The following ADAMTS17 variants were observed in gnomAD, a reference collection of about 807,000 sequenced individuals.
ADAMTS17 encodes A disintegrin and metalloproteinase with thrombospondin motifs 17.
ADAMTS17 carries 113 observed loss-of-function variants against 141.5 expected under a neutral mutation model. The observed-to-expected ratio is 0.80, with a 90% CI of 0.69 to 0.93. ADAMTS17 has a LOEUF of 0.93. Ranked by LOEUF, ADAMTS17 falls within the 40% of genes least tolerant of loss-of-function variation. ADAMTS17 has a pLI of 0.00. For missense variants in ADAMTS17, 1,659 were observed against 1,517.9 expected, an observed-to-expected ratio of 1.09 and a Z score of -1.54; for synonymous variants, 768 against 630.6, an observed-to-expected ratio of 1.22 and a Z score of -3.27.
At chr15:100,254,217 A>G (rs867660556) in intron 6 of ADAMTS17, 38 bp from the exon 7 acceptor site, 33 of 1,575,998 alleles carry the variant, frequency 2.1e-5, no homozygotes, top group Middle Eastern at 1.7e-4. Context: ...TATATGCAGT[A>G]TCCCCAAGAA....
At position 100,141,901 on chromosome 15, in the gene ADAMTS17, G is replaced by A. The variant is rs530809872; in HGVS notation, c.1474-8586C>T. Among the ~76,000 whole-genome samples, 11 of 152,376 alleles carry A rather than the reference G, an allele frequency of 7.2e-5. No homozygotes were observed. In the South Asian group the frequency reaches 2.1e-3, roughly 29 times the overall value. On this transcript the variant is annotated intron_variant, in intron 10 of 21. Transcript: ENST00000268070. The stretch of plus-strand genomic sequence containing the variant: ...GGCAGGACAGCTTTCAGCCTGGCAT[G>A]CAAGTCCACGCACTACCGTACAGCC...
intron 21 of ADAMTS17, 55 bp downstream of exon 21, chr15:99,975,990 A>C: frequency 6.6e-7 from 1 of 1,508,758 alleles, no homozygotes; most frequent in Non-Finnish European, 8.9e-7. Flanking sequence ...GGGAGGACTT[A>C]CTGGGCAGGA....
chr15:100,161,732 T>C (rs2039701057), intron 8 of ADAMTS17, among the ~76,000 whole-genome samples: 1 of 152,180 alleles, frequency 6.6e-6, no homozygotes, highest in African/African-American at 2.4e-5. Context: ...TACTCAGAAA[T>C]GCTACCTACA....
chr15:99,983,294 G>GGA (rs1228409411), intron 20 of ADAMTS17, among the ~76,000 whole-genome samples: 1 of 152,110 alleles, frequency 6.6e-6, no homozygotes, highest in Non-Finnish European at 1.5e-5. Flanking sequence ...CTCAATAAGT[G>GGA]GTGTCTGCTG....
chr15:100,211,375 A>T (rs2041805284), intron 7 of ADAMTS17, among the ~76,000 whole-genome samples: 1 of 151,988 alleles, frequency 6.6e-6, no homozygotes, highest in Admixed American at 6.5e-5. Flanking sequence ...ATATTGAATA[A>T]CTGGAAAATG....
chr15:99,975,639 C>G (rs2141260316), intron 21 of ADAMTS17, among the ~76,000 whole-genome samples: 1 of 152,320 alleles, frequency 6.6e-6, no homozygotes, highest in South Asian at 2.1e-4. Context: ...CCACGCCTGT[C>G]TGCTGCTCAA....
intron 3 of ADAMTS17, chr15:100,306,678 C>A: frequency 2.3e-6 from 1 of 427,848 alleles, no homozygotes; most frequent in Non-Finnish European, 4.7e-6. Context: ...TTTGGGGTAG[C>A]TCATCGTGCA....
chr15:100,259,915 G>A (rs1015929898), intron 6 of ADAMTS17, among the ~76,000 whole-genome samples: 2 of 152,218 alleles, frequency 1.3e-5, no homozygotes, highest in African/African-American at 4.8e-5. Flanking sequence ...CATGATCTCA[G>A]TTCACTGTAA....
intron 10 of ADAMTS17, among the ~76,000 whole-genome samples, chr15:100,144,541 C>T (rs545758698): frequency 1.8e-4 from 28 of 151,758 alleles, no homozygotes; most frequent in Non-Finnish European, 3.4e-4. Flanking sequence ...CAGAGCAAGA[C>T]TCCATCTCGA....
intron 3 of ADAMTS17, among the ~76,000 whole-genome samples, chr15:100,317,308 G>A (rs2045595572): frequency 6.6e-6 from 1 of 152,184 alleles, no homozygotes; most frequent in South Asian, 2.1e-4. Context: ...GATGACGACT[G>A]AACACTCAGG....
chr15:100,336,086 T>C (rs1371240069), intron 2 of ADAMTS17, among the ~76,000 whole-genome samples: 4 of 152,274 alleles, frequency 2.6e-5, no homozygotes, highest in South Asian at 4.1e-4. Flanking sequence ...CTTCACTTCA[T>C]CGTCCCATCT....
intron 10 of ADAMTS17, among the ~76,000 whole-genome samples, chr15:100,144,013 G>A (rs1385814871): frequency 1.3e-5 from 2 of 152,182 alleles, no homozygotes; most frequent in African/African-American, 2.4e-5. Context: ...GGCACCTGAT[G>A]GAGCCTTCTC....
intron 7 of ADAMTS17, 56 bp from the exon 8 acceptor site, chr15:100,199,479 C>A (rs957847468): frequency 5.6e-6 from 8 of 1,426,468 alleles, no homozygotes; most frequent in Admixed American, 5.0e-5. Context: ...CCTGGTCTCA[C>A]CGGGCAAGTC....
rs867142959 is a variant in ADAMTS17 at position 100,137,413 on chromosome 15, A to G, written c.1474-4098T>C. Among the ~76,000 whole-genome samples, 10 of 152,338 alleles carry G rather than the reference A, an allele frequency of 6.6e-5. 1 individual carries two copies. In the Middle Eastern group the frequency reaches 0.027, roughly 415 times the overall value. On this transcript the variant is annotated intron_variant, in intron 10 of 21. Transcript: ENST00000268070. ...AAAACTGAGATATAAGAACTTCCAA[A>G]GGTAAAATGTTAAGCACAAAGAAAA...
intron 18 of ADAMTS17, among the ~76,000 whole-genome samples, chr15:100,032,128 G>C (rs146608016): frequency 6.6e-6 from 1 of 152,224 alleles, no homozygotes; most frequent in African/African-American, 2.4e-5. Context: ...TCCTTATCCA[G>C]AAAATCTCAG....
intron 8 of ADAMTS17, among the ~76,000 whole-genome samples, chr15:100,177,948 A>G (rs891941521): frequency 2.6e-5 from 4 of 152,004 alleles, no homozygotes; most frequent in African/African-American, 9.7e-5. Context: ...TTTCCTCTGA[A>G]GTCTACTTTT....
At chr15:100,294,683 G>A (rs1181723183) in intron 3 of ADAMTS17, among the ~76,000 whole-genome samples, 1 of 152,162 alleles carries the variant, frequency 6.6e-6, no homozygotes, top group Non-Finnish European at 1.5e-5. Flanking sequence ...CTCCAGCATG[G>A]GCGACAGAGC....
chr15:100,114,638 C>G lies in ADAMTS17; in HGVS notation c.1888+2209G>C, dbSNP rs146474982. On this transcript the variant is annotated intron_variant, in intron 13 of 21. Transcript: ENST00000268070. ...CTGCCTGGTAGCTGTCCTCATCAAA[C>G]AGGGCTGCTCTTTTCAGATCAAAGG... 3.4e-3 allele frequency among the ~76,000 whole-genome samples: 523 copies of G among 152,274 alleles called. 1 individual carries two copies. Among genetic ancestry groups the G allele is most frequent in the South Asian group, 0.011 (52 of 4,828 alleles).
chr15:100,134,072 A>G (rs728879), intron 10 of ADAMTS17, among the ~76,000 whole-genome samples: 61,472 of 152,138 alleles, frequency 0.4, 12,689 homozygotes, highest in Admixed American at 0.45. Flanking sequence ...CAAAATCATG[A>G]AAGCAGACAC....
Sources: gnomAD v4.1 joint callset for allele counts (sites outside exome capture counted in the v4.1 genomes callset) on GRCh38, gnomAD v4.1.1 for gene constraint, MANE v1.5 for transcripts, NCBI Gene and HGNC (gene_info 2026-07-23, HGNC 2026-07-21) for gene names.